The following CRTC1 variants were observed in gnomAD, a reference collection of about 807,000 sequenced individuals.
CRTC1 encodes the protein CREB regulated transcription coactivator 1.
CRTC1 carries 18 observed loss-of-function variants against 66.1 expected under a neutral mutation model. The observed-to-expected ratio is 0.27, with a 90% CI of 0.19 to 0.40. CRTC1 has a LOEUF of 0.40. Among genes scored for constraint, CRTC1 ranks in the 10% least tolerant of loss-of-function variants. The pLI is 1.00. For missense variants in CRTC1, 669 were observed against 887.9 expected (o/e 0.75, Z 3.13); for synonymous variants, 416 against 398.8 (o/e 1.04, Z -0.51).
intron 1 of CRTC1, among the ~76,000 whole-genome samples, chr19:18,719,199 G>A (rs890511334): frequency 2.6e-5 from 4 of 152,234 alleles, no homozygotes; most frequent in Admixed American, 2.0e-4. Flanking sequence ...CCTCCAACTA[G>A]TGACCCCTCC....
chr19:18,747,847 G>A (rs923879630), intron 4 of CRTC1, among the ~76,000 whole-genome samples: 11 of 152,152 alleles, frequency 7.2e-5, no homozygotes, highest in Non-Finnish European at 1.5e-4. Flanking sequence ...GGAGACCAAC[G>A]CAGGCGATCA....
intron 1 of CRTC1, among the ~76,000 whole-genome samples, chr19:18,738,263 G>A (rs1344417998): frequency 6.6e-6 from 1 of 152,164 alleles, no homozygotes; most frequent in Non-Finnish European, 1.5e-5. Flanking sequence ...GCTGCAGTGA[G>A]GTGTGATTGT....
At chr19:18,683,876 A>T (rs542525846) in intron 1 of CRTC1, 48 bp downstream of exon 1, 6 of 859,200 alleles carry the variant, frequency 7.0e-6, no homozygotes, top group Non-Finnish European at 8.4e-6. Flanking sequence ...GGAGGGAGGG[A>T]GGGGGCGCGT....
Position 18,766,911 on chromosome 19 carries a change from C to A in CRTC1, c.1011+1383C>A, listed in dbSNP as rs538693034. Among the ~76,000 whole-genome samples, 3 of 152,160 alleles carry A rather than the reference C, an allele frequency of 2.0e-5. No individual in the cohort carries two copies. The East Asian group carries it at 5.8e-4, about 29-fold the overall frequency. ...TATTTTTTGGAAGTATTTTTAATTC[C>A]TCTTTAAAAGTTTGGTAAAATTAGG... On this transcript the variant is annotated intron_variant, in intron 9 of 13. Coordinates refer to ENST00000321949, the MANE Select transcript of CRTC1 (RefSeq NM_015321.3).
chr19:18,692,595 C>G (rs1355889312), intron 1 of CRTC1, among the ~76,000 whole-genome samples: 1 of 130,684 alleles, frequency 7.7e-6, no homozygotes, highest in Non-Finnish European at 1.6e-5. Flanking sequence ...GAGTGAAACT[C>G]TGTCTCAAAA....
Position 18,741,872 on chromosome 19 carries a change from G to GC in CRTC1, c.127-1033dup, listed in dbSNP as rs1053938622. Reference sequence around the variant, plus strand: ...TTTACTTCCGCCTCCGGTGTCCAGGGCCCCCTAGGAAGCTGGGGCGGTGGG... The same window carrying GC: ...TTTACTTCCGCCTCCGGTGTCCAGGGCCCCCCTAGGAAGCTGGGGCGGTGGG... On this transcript the variant is annotated intron_variant, in intron 1 of 13. Coordinates refer to ENST00000321949, the MANE Select transcript of CRTC1 (RefSeq NM_015321.3). This position sits in a 1 kb window ranked among gnomAD's most constrained non-coding sequence, Gnocchi z 4.2. 2.0e-5 allele frequency among the ~76,000 whole-genome samples: 3 copies of GC among 152,236 alleles called. No homozygotes were observed. Among genetic ancestry groups the GC allele is most frequent in the Admixed American group, 2.0e-4 (3 of 15,304 alleles).
intron 1 of CRTC1, among the ~76,000 whole-genome samples, chr19:18,742,625 C>A (rs1013266973): frequency 2.0e-5 from 3 of 152,196 alleles, no homozygotes; most frequent in Admixed American, 1.3e-4. Flanking sequence ...ACTGACTGAC[C>A]GAATCAGCAG....
intron 9 of CRTC1, among the ~76,000 whole-genome samples, chr19:18,766,887 AT>A (rs1403204403): frequency 6.6e-6 from 1 of 152,140 alleles, no homozygotes; most frequent in African/African-American, 2.4e-5. Flanking sequence ...CTTCTCTTCT[AT>A]TTTTTGGAAG....
At position 18,779,585 on chromosome 19, in the gene CRTC1, AAAG is replaced by A. The variant is rs746314301; in HGVS notation, c.*2207_*2209del. ...GCAACCCGCCTGGATGCGGTTTTCA[AAAG>A]AAGGCATTGAGGACCATGCTAGGAA... is the stretch of plus-strand genomic sequence containing the variant. On this transcript the variant is annotated 3_prime_UTR_variant, in exon 14 of 14. Transcript: ENST00000321949. 4.5e-6 allele frequency: 1 copy of A among 221,050 alleles called. No individual in the cohort carries two copies. 13.7% of individuals were successfully genotyped at this position (221,050 alleles called of 1,614,324 possible).
At chr19:18,767,560 TC>T (rs1487054012) in intron 9 of CRTC1, among the ~76,000 whole-genome samples, 1 of 152,184 alleles carries the variant, frequency 6.6e-6, no homozygotes, top group Non-Finnish European at 1.5e-5. Flanking sequence ...TAATGGTAGT[TC>T]CTTGGTACCT....
rs973314719 is a variant in CRTC1, at chr19:18,760,981, C to T, written c.886+753C>T. ...GGCTTCCTCCACTTGGGACCTCGCA[C>T]GGCCCCCAGCTCCCTCTCAGTGAAA... On this transcript the variant is annotated intron_variant, in intron 8 of 13. Transcript: ENST00000321949. This position sits in a 1 kb window ranked among gnomAD's most constrained non-coding sequence, Gnocchi z 6.2. Among the ~76,000 whole-genome samples the T allele has an allele frequency of 2.6e-5, 4 of 152,014 alleles. No individual in the cohort carries two copies. Among genetic ancestry groups the T allele is most frequent in the Non-Finnish European group, 4.4e-5 (3 of 67,986 alleles).
At chr19:18,699,408 G>C (rs747932086) in intron 1 of CRTC1, among the ~76,000 whole-genome samples, 32 of 152,200 alleles carry the variant, frequency 2.1e-4, no homozygotes, top group Non-Finnish European at 4.1e-4. Flanking sequence ...GTGTTCCAGG[G>C]TCAAATCCTC....
intron 1 of CRTC1, among the ~76,000 whole-genome samples, chr19:18,698,257 T>A (rs1239367733): frequency 6.8e-6 from 1 of 146,174 alleles, no homozygotes; most frequent in East Asian, 2.1e-4. Context: ...GCAGGCACAG[T>A]GTGTACTCAG....
intron 8 of CRTC1, among the ~76,000 whole-genome samples, chr19:18,764,053 G>A (rs1004695940): frequency 3.9e-5 from 6 of 152,144 alleles, no homozygotes; most frequent in Admixed American, 2.0e-4. Flanking sequence ...CCCACAGTGC[G>A]CAGCCAAGCA....
chr19:18,706,497 A>C (rs553744676), intron 1 of CRTC1, among the ~76,000 whole-genome samples: 5 of 151,876 alleles, frequency 3.3e-5, no homozygotes, highest in Non-Finnish European at 7.4e-5. Context: ...GTGAGCCACC[A>C]CATCTGGCCC....
At chr19:18,688,466 G>C (rs1027895236) in intron 1 of CRTC1, among the ~76,000 whole-genome samples, 1 of 151,456 alleles carries the variant, frequency 6.6e-6, no homozygotes, top group Non-Finnish European at 1.5e-5. Context: ...TTGAGGAGGA[G>C]CCCCCCCTGT....
At chr19:18,724,842 G>A (rs1399241116) in intron 1 of CRTC1, among the ~76,000 whole-genome samples, 3 of 125,246 alleles carry the variant, frequency 2.4e-5, no homozygotes, top group African/African-American at 9.0e-5. Flanking sequence ...ATGAGGAGGT[G>A]GATATAACCT....
chr19:18,720,278 C>T (rs1268857153), intron 1 of CRTC1, among the ~76,000 whole-genome samples: 1 of 152,166 alleles, frequency 6.6e-6, no homozygotes, highest in Non-Finnish European at 1.5e-5. Context: ...ATTCTCCTGC[C>T]TCAGCCTCCC....
At chr19:18,708,678 C>T (rs548931702) in intron 1 of CRTC1, among the ~76,000 whole-genome samples, 1 of 152,270 alleles carries the variant, frequency 6.6e-6, no homozygotes, top group South Asian at 2.1e-4. Context: ...CTCGGGGAGC[C>T]AAGTTTGAGA....
Sources: allele counts gnomAD v4.1 joint callset (sites outside exome capture counted in the v4.1 genomes callset), GRCh38; gene constraint gnomAD v4.1.1; non-coding constraint Gnocchi (gnomAD v3.1); transcripts MANE v1.5; gene names NCBI Gene and HGNC (gene_info 2026-07-23, HGNC 2026-07-21).